The following FGD6 variants were observed in gnomAD, a reference collection of about 807,000 sequenced individuals.
FGD6 encodes FYVE, RhoGEF and PH domain containing 6.
A neutral mutation model predicts 149.4 loss-of-function variants in FGD6; 90 were observed. The observed-to-expected ratio is 0.60, with a 90% confidence interval of 0.51 to 0.72. The LOEUF is 0.72. Ranked by LOEUF, FGD6 falls within the 30% of genes least tolerant of loss-of-function variation. The pLI, the probability that FGD6 is intolerant of heterozygous loss-of-function variation, is 0.00. For synonymous variants in FGD6, 527 were observed against 584.0 expected (o/e 0.90, Z 1.41); for missense variants, 1,437 against 1,684.8 (o/e 0.85, Z 2.57).
intron 8 of FGD6, among the ~76,000 whole-genome samples, chr12:95,121,159 G>C (rs1163621071): frequency 1.3e-5 from 2 of 151,860 alleles, no homozygotes; most frequent in African/African-American, 4.8e-5. Context: ...TCATTTACAG[G>C]CTGGCTGCTG....
Position 95,210,288 on chromosome 12 carries a change from A to G in FGD6, c.996T>C (p.Asp332=). The G allele has an allele frequency of 6.2e-7, 1 of 1,614,206 alleles. No homozygotes were observed. Among genetic ancestry groups the G allele is most frequent in the Non-Finnish European group, 8.5e-7 (1 of 1,180,048 alleles). ...TARLLRQKCV[D]TPSESTEEPG... is the part of the protein sequence containing the mutation. ...GTTCTTCAGTGCTTTCACTAGGAGT[A>G]TCTACACACTTTTGGCGTAACAGAC... The change falls in exon 2 of 21, where the codon GAT becomes GAC. Residue 332 remains aspartate (D), a synonymous_variant. Transcript: ENST00000343958.
chr12:95,138,217 T>TAAAA (rs1879733312), intron 6 of FGD6, among the ~76,000 whole-genome samples: 1 of 134,890 alleles, frequency 7.4e-6, no homozygotes, highest in Non-Finnish European at 1.6e-5. Flanking sequence ...AATAAATAAA[T>TAAAA]AAATAAATAA....
intron 5 of FGD6, among the ~76,000 whole-genome samples, chr12:95,149,671 A>G (rs1247120938): frequency 7.0e-6 from 1 of 143,796 alleles, no homozygotes; most frequent in African/African-American, 2.5e-5. Context: ...AAAAAGGACA[A>G]TATTTTGTCA....
intron 3 of FGD6, among the ~76,000 whole-genome samples, chr12:95,167,575 A>AG (rs1880857804): frequency 1.1e-5 from 1 of 93,758 alleles, no homozygotes; most frequent in Non-Finnish European, 1.9e-5. Context: ...TTACTGTTTG[A>AG]GGTTTTTTTT....
At chr12:95,189,173 A>T (rs534014032) in intron 2 of FGD6, 92 of 152,336 alleles carry the variant, frequency 6.0e-4, no homozygotes, top group African/African-American at 2.1e-3. Context: ...TACTTAACAG[A>T]ACCCATCCAC....
At chr12:95,190,620 A>G (rs1005387460) in intron 2 of FGD6, among the ~76,000 whole-genome samples, 1 of 152,210 alleles carries the variant, frequency 6.6e-6, no homozygotes, top group African/African-American at 2.4e-5. Flanking sequence ...TGTTACATGG[A>G]GACAAGACAG....
chr12:95,110,923 A>G (rs1046545413), intron 9 of FGD6, among the ~76,000 whole-genome samples: 3 of 151,988 alleles, frequency 2.0e-5, no homozygotes, highest in African/African-American at 7.2e-5. Context: ...TCTTCTGCCT[A>G]CCTTTCAAAG....
chr12:95,150,104 C>A (rs145971672), intron 5 of FGD6, among the ~76,000 whole-genome samples: 1 of 150,880 alleles, frequency 6.6e-6, no homozygotes, highest in Non-Finnish European at 1.5e-5. Context: ...CTCGACTCAC[C>A]GCAACCTCTG....
In FGD6 at chr12:95,118,964, A is replaced by G. The variant is rs946718417; in HGVS notation, c.3083-5263T>C. On this transcript the variant is annotated intron_variant, in intron 8 of 20. Coordinates refer to ENST00000343958, the MANE Select transcript of FGD6 (RefSeq NM_018351.4). ...AAGGCAGCTTGGCGAAGTGGTCAAGAGCCCTTGCTCTGGAATTAGAAGACA... is the reference window on the plus strand; with the variant it reads ...AAGGCAGCTTGGCGAAGTGGTCAAGGGCCCTTGCTCTGGAATTAGAAGACA... 4.6e-5 allele frequency among the ~76,000 whole-genome samples: 7 copies of G among 152,320 alleles called. No individual in the cohort carries two copies. The South Asian group carries it at 1.2e-3, about 27-fold the overall frequency.
chr12:95,149,377 ATTT>A (rs1217989424), intron 5 of FGD6, among the ~76,000 whole-genome samples: 2 of 119,186 alleles, frequency 1.7e-5, no homozygotes, highest in East Asian at 4.5e-4. Flanking sequence ...TATAGCACAT[ATTT>A]TATATATATA....
At chr12:95,112,579 GAC>G (rs1420710794) in intron 9 of FGD6, among the ~76,000 whole-genome samples, 1 of 152,212 alleles carries the variant, frequency 6.6e-6, no homozygotes, top group African/African-American at 2.4e-5. Context: ...CAGCCTGGGT[GAC>G]AGAGTGAGAC....
chr12:95,192,673 A>G (rs1881624601), intron 2 of FGD6, among the ~76,000 whole-genome samples: 1 of 152,210 alleles, frequency 6.6e-6, no homozygotes, highest in South Asian at 2.1e-4. Flanking sequence ...AGAAAGGAAG[A>G]ACGAGATGAG....
intron 7 of FGD6, among the ~76,000 whole-genome samples, chr12:95,136,810 A>C (rs1252535261): frequency 1.3e-5 from 2 of 152,340 alleles, no homozygotes; most frequent in African/African-American, 4.8e-5. Flanking sequence ...GAGAGAATAG[A>C]GTTAATGTTT....
At chr12:95,101,661 C>T (rs1340007285) in intron 14 of FGD6, among the ~76,000 whole-genome samples, 2 of 141,048 alleles carry the variant, frequency 1.4e-5, no homozygotes, top group Non-Finnish European at 3.1e-5. Context: ...TATACATGGT[C>T]TTAATGTTCT....
chr12:95,215,963 T>C (rs745917855), intron 1 of FGD6, among the ~76,000 whole-genome samples: 1 of 152,194 alleles, frequency 6.6e-6, no homozygotes, highest in Non-Finnish European at 1.5e-5. Context: ...GGCACAGAAA[T>C]GTAGGATGAA....
rs939186593 is a variant in FGD6, at chr12:95,182,270, T to C, written c.2442-9526A>G. ...GAAGCTGGAGTGTAGTGGCATGATC[T>C]TGGCTCACTGCAACCTCTGCCACCC... On this transcript the variant is annotated intron_variant, in intron 2 of 20. Transcript: ENST00000343958. 2.7e-5 allele frequency among the ~76,000 whole-genome samples: 4 copies of C among 150,930 alleles called. No individual in the cohort carries two copies. The East Asian group carries it at 5.8e-4, about 22-fold the overall frequency.
rs2056719107 is a variant in FGD6, at chr12:95,210,375, A to G, written c.909T>C (p.Ile303=). 1 of 1,613,550 alleles carries G rather than the reference A, an allele frequency of 6.2e-7. No homozygotes were observed. The highest frequency in any genetic ancestry group is 1.7e-5 in the Admixed American group (1 of 59,868). ...SEVKDLGPLE[I]HLVPYTPKFP... ...ATTTTGGGGTATATGGTACTAAATG[A>G]ATTTCTAAGGGACCAAGGTCTTTGA... Residue 303 remains isoleucine (I), a synonymous_variant, in exon 2 of 21, where the codon ATT becomes ATC. Coordinates refer to ENST00000343958, the MANE Select transcript of FGD6 (RefSeq NM_018351.4).
At chr12:95,144,171 CT>C (rs2136265168) in intron 5 of FGD6, among the ~76,000 whole-genome samples, 2 of 152,302 alleles carry the variant, frequency 1.3e-5, no homozygotes, top group East Asian at 3.9e-4. Context: ...AGATGGCTGC[CT>C]CTAAATGGAG....
At chr12:95,149,993 T>TACACACACAC (rs10652699) in intron 5 of FGD6, among the ~76,000 whole-genome samples, 1,797 of 131,974 alleles carry the variant, frequency 0.014, 32 homozygotes, top group East Asian at 0.043. Flanking sequence ...TGCTATATAT[T>TACACACACAC]ACACACACAC....
Sources: allele counts gnomAD v4.1 joint callset (sites outside exome capture counted in the v4.1 genomes callset), GRCh38; gene constraint gnomAD v4.1.1; transcripts MANE v1.5; gene names NCBI Gene and HGNC (gene_info 2026-07-23, HGNC 2026-07-21).